Variants in FOXP2 observed in about 807,000 individuals in gnomAD.
FOXP2 encodes forkhead box protein P2.
Under a neutral mutation model 115.8 loss-of-function variants are expected in FOXP2, and 12 were observed. That is an observed-to-expected ratio of 0.10 (90% CI 0.07 to 0.17). The LOEUF (loss-of-function observed/expected upper bound fraction) is 0.17, where lower values mean the gene tolerates loss of function less well. FOXP2 is among the 10% of genes least tolerant of loss of function. The pLI is 1.00. For missense variants in FOXP2, 629 were observed against 843.5 expected, an observed-to-expected ratio of 0.75 and a Z score of 3.15; for synonymous variants, 328 against 297.7, an observed-to-expected ratio of 1.10 and a Z score of -1.05.
intron 1 of FOXP2, among the ~76,000 whole-genome samples, chr7:114,278,451 TTCAA>T (rs1391343747): frequency 3.3e-5 from 5 of 151,740 alleles, no homozygotes; most frequent in African/African-American, 1.2e-4. Context: ...CGTCTCTGGG[TTCAA>T]GCCTTTCTCC....
chr7:114,410,165 CG>C (rs2129198483), upstream of FOXP2, among the ~76,000 whole-genome samples: 1 of 152,148 alleles, frequency 6.6e-6, no homozygotes, highest in East Asian at 1.9e-4. Flanking sequence ...CACTAAATGG[CG>C]TTGTACTCTC....
chr7:114,552,763 TGTTCAATTATATATGTAAG>T (rs1800273145), intron 3 of FOXP2, among the ~76,000 whole-genome samples: 1 of 152,162 alleles, frequency 6.6e-6, no homozygotes, highest in Admixed American at 6.6e-5. Context: ...CTTTTCTGTG[TGTTCAATTATATATGTAAG>T]GTTTTTAATG....
At chr7:114,425,987 C>A (rs1169139891) in intron 1 of FOXP2, among the ~76,000 whole-genome samples, 1 of 151,654 alleles carries the variant, frequency 6.6e-6, no homozygotes, top group Non-Finnish European at 1.5e-5. Flanking sequence ...TGGTTGGTAC[C>A]ATATGATTTG....
At chr7:114,561,495 T>C (rs1800756427) in intron 3 of FOXP2, 1 of 152,230 alleles carries the variant, frequency 6.6e-6, no homozygotes, top group Non-Finnish European at 1.5e-5. Flanking sequence ...TTGCCTTTTA[T>C]TTAAATAAAT....
chr7:114,185,250 G>T (rs1793561902), intron 1 of FOXP2, among the ~76,000 whole-genome samples: 2 of 151,862 alleles, frequency 1.3e-5, no homozygotes, highest in African/African-American at 4.8e-5. Flanking sequence ...TCAGATCTGG[G>T]CCCTGGATTA....
intron 3 of FOXP2, among the ~76,000 whole-genome samples, chr7:114,554,985 A>G (rs1216106589): frequency 1.3e-5 from 2 of 152,208 alleles, no homozygotes; most frequent in Admixed American, 6.5e-5. Flanking sequence ...GACAAGTAGT[A>G]TGAGTCATCA....
chr7:114,129,505 C>G (rs1156506936), intron 1 of FOXP2, among the ~76,000 whole-genome samples: 1 of 151,262 alleles, frequency 6.6e-6, no homozygotes, highest in African/African-American at 2.4e-5. Context: ...TAACTTGAGA[C>G]TAAAAAAAAA....
At chr7:114,523,046 G>A (rs938444265) in intron 2 of FOXP2, among the ~76,000 whole-genome samples, 6 of 151,604 alleles carry the variant, frequency 4.0e-5, no homozygotes, top group African/African-American at 1.5e-4. Flanking sequence ...TCTTTTAATA[G>A]TATTTTCAAA....
chr7:114,291,085 C>T (rs1443907469), intron 2 of FOXP2, among the ~76,000 whole-genome samples: 1 of 152,066 alleles, frequency 6.6e-6, no homozygotes, highest in African/African-American at 2.4e-5. Context: ...TTATTTTATG[C>T]TGTTATAACA....
chr7:114,564,934 G>A (rs1039336918), intron 3 of FOXP2, among the ~76,000 whole-genome samples: 2 of 150,904 alleles, frequency 1.3e-5, no homozygotes. Flanking sequence ...TCAAAATTGT[G>A]GTGGTTGTTA....
chr7:114,135,291 C>A (rs1792009965), intron 1 of FOXP2, among the ~76,000 whole-genome samples: 1 of 151,824 alleles, frequency 6.6e-6, no homozygotes, highest in South Asian at 2.1e-4. Flanking sequence ...TTTTTAGTGC[C>A]ATTTTTTTCA....
intron 2 of FOXP2, among the ~76,000 whole-genome samples, chr7:114,478,491 C>A (rs1273532346): frequency 1.3e-5 from 2 of 151,774 alleles, no homozygotes; most frequent in Non-Finnish European, 2.9e-5. Flanking sequence ...GGTTTATCTT[C>A]TTTTCTTATA....
chr7:114,686,731 A>AAAAT (rs1238035185), intron 16 of FOXP2, among the ~76,000 whole-genome samples: 1 of 152,174 alleles, frequency 6.6e-6, no homozygotes, highest in East Asian at 1.9e-4. Flanking sequence ...AATAGCTATG[A>AAAAT]AAATAAAATC....
intron 1 of FOXP2, among the ~76,000 whole-genome samples, chr7:114,134,180 A>G (rs886099539): frequency 2.0e-5 from 3 of 152,198 alleles, no homozygotes; most frequent in African/African-American, 7.2e-5. Flanking sequence ...ATTTAGTAAC[A>G]TTAAGATCAT....
At chr7:114,172,351 G>A (rs940835783) in intron 1 of FOXP2, among the ~76,000 whole-genome samples, 2 of 152,152 alleles carry the variant, frequency 1.3e-5, no homozygotes, top group Admixed American at 6.5e-5. Flanking sequence ...GGAGTTATGG[G>A]CGAGAGAGAA....
intron 2 of FOXP2, among the ~76,000 whole-genome samples, chr7:114,357,009 A>G (rs1791632840): frequency 6.6e-6 from 1 of 152,138 alleles, no homozygotes; most frequent in South Asian, 2.1e-4. Context: ...TCTAAATGAG[A>G]AGCCTTGATC....
At chr7:114,549,920 T>A (rs1029999680) in intron 3 of FOXP2, among the ~76,000 whole-genome samples, 2 of 152,134 alleles carry the variant, frequency 1.3e-5, no homozygotes, top group African/African-American at 4.8e-5. Flanking sequence ...TGTCTACCTG[T>A]TTTTATCAGT....
intron 2 of FOXP2, among the ~76,000 whole-genome samples, chr7:114,518,358 TTA>T (rs1349632358): frequency 2.6e-4 from 40 of 152,172 alleles, no homozygotes; most frequent in Admixed American, 2.6e-3. Context: ...GAAAATACTT[TTA>T]TGTTTTTTCC....
intron 3 of FOXP2, chr7:114,538,433 G>C (rs905521418): frequency 1.9e-6 from 2 of 1,048,300 alleles, no homozygotes; most frequent in African/African-American, 3.3e-5. Flanking sequence ...TTTTAGCATT[G>C]TAATCACTTC....
Sources: gnomAD v4.1 joint callset for allele counts (sites outside exome capture counted in the v4.1 genomes callset) on GRCh38, gnomAD v4.1.1 for gene constraint, MANE v1.5 for transcripts, NCBI Gene and HGNC (gene_info 2026-07-23, HGNC 2026-07-21) for gene names.